The following KANK2 variants were observed in gnomAD, a reference collection of about 807,000 sequenced individuals.
KANK2 encodes the protein KN motif and ankyrin repeat domains 2.
Under a neutral mutation model 74.6 loss-of-function variants are expected in KANK2, and 41 were observed. The ratio of observed to expected loss-of-function variants is 0.55; its 90% CI spans 0.43 to 0.71. The LOEUF (loss-of-function observed/expected upper bound fraction) is 0.71, where lower values mean the gene tolerates loss of function less well. Among genes scored for constraint, KANK2 ranks in the 30% least tolerant of loss-of-function variants. The pLI is 0.00. For synonymous variants in KANK2, 537 were observed against 519.0 expected (o/e 1.03, Z -0.47); for missense variants, 1,148 against 1,196.4 (o/e 0.96, Z 0.60).
intron 4 of KANK2, among the ~76,000 whole-genome samples, chr19:11,181,785 G>A (rs2078526407): frequency 6.6e-6 from 1 of 152,124 alleles, no homozygotes; most frequent in South Asian, 2.1e-4. Flanking sequence ...GCCCAGGAGT[G>A]TGAGACCAGC....
At chr19:11,177,056 C>T (rs1219921475) in intron 6 of KANK2, among the ~76,000 whole-genome samples, 2 of 151,202 alleles carry the variant, frequency 1.3e-5, no homozygotes, top group African/African-American at 4.9e-5. Context: ...CTGCTTTTCA[C>T]CTCCTGCCTT....
chr19:11,191,528 T>G (rs1027464322), intron 4 of KANK2, among the ~76,000 whole-genome samples: 7 of 152,178 alleles, frequency 4.6e-5, no homozygotes, highest in Non-Finnish European at 1.0e-4. Context: ...CCGGCGTCCA[T>G]GGCTAGGCAG....
At chr19:11,179,723 C>T (rs2078457860) in intron 4 of KANK2, among the ~76,000 whole-genome samples, 1 of 152,078 alleles carries the variant, frequency 6.6e-6, no homozygotes, top group African/African-American at 2.4e-5. Flanking sequence ...AAAACACCCA[C>T]CCAGGTTGGT....
chr19:11,165,455 C>A lies in KANK2; in HGVS notation c.*1103G>T, dbSNP rs1193951805. On this transcript the variant is annotated 3_prime_UTR_variant, in exon 13 of 13. Coordinates refer to ENST00000586659, the MANE Select transcript of KANK2 (RefSeq NM_001136191.3). Reference sequence around the variant, plus strand: ...GGGCCTGGCGGCGGGGACGCAGAAGCCACCCTGAGAGCCAGATTCTTTTCC... The same window carrying A: ...GGGCCTGGCGGCGGGGACGCAGAAGACACCCTGAGAGCCAGATTCTTTTCC... The A allele has an allele frequency of 2.0e-5, 3 of 152,192 alleles. No homozygotes were observed. The South Asian group carries it at 6.2e-4, about 31-fold the overall frequency. 9.4% of individuals were successfully genotyped at this position (152,192 alleles called of 1,614,324 possible). A position where few individuals can be genotyped will look rare whatever the true frequency, so the allele number is the denominator to read the frequency against.
chr19:11,179,358 G>A (rs1324830878), intron 4 of KANK2, among the ~76,000 whole-genome samples: 1 of 149,762 alleles, frequency 6.7e-6, no homozygotes, highest in Non-Finnish European at 1.5e-5. Flanking sequence ...CGTCTTGGTG[G>A]CCAGGCACAG....
chr19:11,176,549 C>T, intron 7 of KANK2, 29 bp downstream of exon 7: 1 of 1,544,694 alleles, frequency 6.5e-7, no homozygotes, highest in Non-Finnish European at 8.8e-7. Flanking sequence ...CCCGGCCCTG[C>T]CTGAATCCCT....
At chr19:11,168,850 C>G (rs2078095401) in intron 12 of KANK2, among the ~76,000 whole-genome samples, 1 of 152,170 alleles carries the variant, frequency 6.6e-6, no homozygotes, top group Non-Finnish European at 1.5e-5. Context: ...AAGCAGCTGA[C>G]CATATTCTGA....
chr19:11,194,137 G>C, intron 3 of KANK2, 95 bp from the exon 4 acceptor site: 7 of 1,342,112 alleles, frequency 5.2e-6, no homozygotes, highest in Non-Finnish European at 7.0e-6. Context: ...TTTATTTGCC[G>C]AAGAGATGGG....
At chr19:11,174,834 G>T in intron 8 of KANK2, 142 bp from the exon 9 acceptor site, 1 of 668,690 alleles carries the variant, frequency 1.5e-6, no homozygotes, top group Non-Finnish European at 2.6e-6. Context: ...CCCTCCCAAA[G>T]GGAAGTGTAG....
intron 12 of KANK2, among the ~76,000 whole-genome samples, chr19:11,168,318 T>C (rs1408094188): frequency 6.6e-6 from 1 of 151,556 alleles, no homozygotes; most frequent in Non-Finnish European, 1.5e-5. Flanking sequence ...TCTTTTTTTT[T>C]TTCCCAGACA....
At chr19:11,192,663 G>A in intron 4 of KANK2, 168 bp downstream of exon 4, 1 of 753,972 alleles carries the variant, frequency 1.3e-6, no homozygotes, top group Non-Finnish European at 2.3e-6. Flanking sequence ...TCCAACTCCT[G>A]ACCTCAAGTG....
At chr19:11,191,508 T>TCCCCTA (rs1555819981) in intron 4 of KANK2, among the ~76,000 whole-genome samples, 8 of 152,126 alleles carry the variant, frequency 5.3e-5, no homozygotes, top group South Asian at 2.1e-4. Context: ...TGGGTGGGGC[T>TCCCCTA]CCCCTACCCC....
rs1401969095 is a variant in KANK2, at chr19:11,169,938, A to G, written c.2441T>C (p.Leu814Ser). 6.2e-7 allele frequency: 1 copy of G among 1,614,148 alleles called. No individual in the cohort carries two copies. The highest frequency in any genetic ancestry group is 2.2e-5 in the East Asian group (1 of 44,878). ...CGCAATCTCACTCTGCCCTGCGTCC[A>G]AGGCCACCATCAGAGCTGTGCTCCC... ...RDGSTALMVA[L>S]DAGQSEIASM... Residue 814 changes from leucine (L) to serine (S), a missense_variant, in exon 12 of 13, where the codon TTG becomes TCG. Transcript: ENST00000586659.
At chr19:11,185,467 C>T (rs1353127290) in intron 4 of KANK2, among the ~76,000 whole-genome samples, 1 of 148,836 alleles carries the variant, frequency 6.7e-6, no homozygotes, top group Admixed American at 6.8e-5. Context: ...AGGTGTGAGC[C>T]ACTGTACTTG....
chr19:11,178,736 A>T lies in KANK2; in HGVS notation c.1250-16T>A. On this transcript the variant is annotated splice_polypyrimidine_tract_variant and intron_variant, in intron 4 of 12. Transcript: ENST00000586659. ...TCTGGGAGGCCTGGAGGGACAGGAA[A>T]TGAGTGTCTGCTCTTGGTCATAAAA... The T allele has an allele frequency of 6.6e-7, 1 of 1,511,812 alleles. No individual in the cohort carries two copies. The highest frequency in any genetic ancestry group is 1.3e-5 in the South Asian group (1 of 75,088). The allele number at this position is 1,511,812 out of a possible 1,614,324, so 93.6% of individuals were successfully genotyped here. A position where few individuals can be genotyped will look rare whatever the true frequency, so the allele number is the denominator to read the frequency against.
At chr19:11,194,174 G>T in intron 3 of KANK2, 132 bp from the exon 4 acceptor site, 1 of 971,976 alleles carries the variant, frequency 1.0e-6, no homozygotes, top group South Asian at 1.7e-5. Context: ...AACCGCGTCT[G>T]CTCTCAGACC....
intron 4 of KANK2, chr19:11,192,521 G>A (rs1194921929): frequency 4.1e-5 from 14 of 341,948 alleles, no homozygotes; most frequent in South Asian, 1.5e-4. Flanking sequence ...TGCAACCTCC[G>A]CTTCCCTAGT....
rs762047607 is a variant in KANK2, at chr19:11,174,551, C to T, written c.1990G>A (p.Asp664Asn). ...RLLDYVVNIA[D>N]SNGNTALHYS... is the part of the protein sequence containing the mutation. ...TGCAGGGCTGTGTTGCCGTTGCTGT[C>T]GGCGATGTTGACCACGTAGTCCAGC... The change falls in exon 9 of 13, where the codon GAC becomes AAC. Residue 664 changes from aspartate (D) to asparagine (N), a missense_variant. Physicochemically the swap from Asp to Asn is conservative, Grantham distance 23. Transcript: ENST00000586659. 13 of 1,613,636 alleles carry T rather than the reference C, an allele frequency of 8.1e-6. No individual in the cohort carries two copies. The highest frequency in any genetic ancestry group is 2.2e-5 in the East Asian group (1 of 44,868).
At chr19:11,186,506 T>A (rs2078679443) in intron 4 of KANK2, among the ~76,000 whole-genome samples, 1 of 152,084 alleles carries the variant, frequency 6.6e-6, no homozygotes, top group Non-Finnish European at 1.5e-5. Context: ...GAGACGAGCC[T>A]GACCAACATG....
Sources: allele counts gnomAD v4.1 joint callset (sites outside exome capture counted in the v4.1 genomes callset), GRCh38; gene constraint gnomAD v4.1.1; transcripts MANE v1.5; gene names NCBI Gene and HGNC (gene_info 2026-07-23, HGNC 2026-07-21).